The following SYCP1 variants were observed in gnomAD, a reference collection of about 807,000 sequenced individuals.
SYCP1 encodes synaptonemal complex protein 1.
A neutral mutation model predicts 153.1 loss-of-function variants in SYCP1; 64 were observed. The ratio of observed to expected loss-of-function variants is 0.42; its 90% CI spans 0.34 to 0.51. The LOEUF is 0.51. Ranked by LOEUF, SYCP1 falls within the 20% of genes least tolerant of loss-of-function variation. SYCP1 has a pLI of 0.06. For missense variants in SYCP1, 997 were observed against 1,049.0 expected, an observed-to-expected ratio of 0.95 and a Z score of 0.68; for synonymous variants, 384 against 341.8, an observed-to-expected ratio of 1.12 and a Z score of -1.36.
intron 28 of SYCP1, among the ~76,000 whole-genome samples, chr1:114,978,843 A>C (rs910149381): frequency 7.9e-5 from 12 of 151,688 alleles, no homozygotes; most frequent in African/African-American, 2.7e-4. Flanking sequence ...ATCATAATAA[A>C]ATTATGCAGA....
chr1:114,954,868 C>T (rs1671338288), intron 27 of SYCP1, among the ~76,000 whole-genome samples: 2 of 152,126 alleles, frequency 1.3e-5, no homozygotes, highest in African/African-American at 4.8e-5. Flanking sequence ...CATGAGCCAC[C>T]GCGCCTGGCC....
Position 114,909,631 on chromosome 1 carries a change from C to T in SYCP1, c.1321-766C>T, listed in dbSNP as rs190182895. ...TGAGATTATAGTGACATACTGAAAGCTAAAAGACTGCTTCTATTTTTTGAT... is the reference window on the plus strand; with the variant it reads ...TGAGATTATAGTGACATACTGAAAGTTAAAAGACTGCTTCTATTTTTTGAT... On this transcript the variant is annotated intron_variant, in intron 16 of 31. Transcript: ENST00000369522. Among the ~76,000 whole-genome samples the T allele has an allele frequency of 2.6e-5, 4 of 151,992 alleles. No individual in the cohort carries two copies. In the East Asian group the frequency reaches 7.7e-4, roughly 29 times the overall value.
Position 114,859,748 on chromosome 1 carries a change from A to C in SYCP1, c.462A>C (p.Gly154=). The change falls in exon 7 of 32, where the codon GGA becomes GGC. Residue 154 remains glycine (G), a synonymous_variant. Transcript: ENST00000369522. ...QRKAIQELQF[G]NEKVSLKLEE... ...TTTTCTGTTTTATAAATTAGTTTGG[A>C]AATGAAAAAGTAAGTTTGAAATTAG... 1 of 954,264 alleles carries C rather than the reference A, an allele frequency of 1.0e-6. No individual in the cohort carries two copies. Among genetic ancestry groups the C allele is most frequent in the Non-Finnish European group, 1.4e-6 (1 of 713,146 alleles). The allele number at this position is 954,264 out of a possible 1,614,324, so 59.1% of individuals were successfully genotyped here. A position where few individuals can be genotyped will look rare whatever the true frequency, so the allele number is the denominator to read the frequency against.
At chr1:114,874,766 A>G (rs1665396557) in intron 9 of SYCP1, among the ~76,000 whole-genome samples, 1 of 152,228 alleles carries the variant, frequency 6.6e-6, no homozygotes, top group Non-Finnish European at 1.5e-5. Flanking sequence ...TTTACATGTT[A>G]GTGACATCAC....
At chr1:114,926,917 T>C (rs956813214) in intron 23 of SYCP1, among the ~76,000 whole-genome samples, 1 of 152,110 alleles carries the variant, frequency 6.6e-6, no homozygotes, top group African/African-American at 2.4e-5. Context: ...AAAAGCTCTA[T>C]GTGTGATTAT....
At chr1:114,890,154 A>T (rs1036212809) in intron 15 of SYCP1, among the ~76,000 whole-genome samples, 1 of 152,080 alleles carries the variant, frequency 6.6e-6, no homozygotes, top group Admixed American at 6.5e-5. Context: ...GTAGGAATGT[A>T]TAGAAGTAAC....
chr1:114,948,557 A>G (rs1670899233), intron 27 of SYCP1, among the ~76,000 whole-genome samples: 1 of 152,092 alleles, frequency 6.6e-6, no homozygotes, highest in African/African-American at 2.4e-5. Context: ...GGAAAATCTC[A>G]CACATCTTTC....
intron 16 of SYCP1, among the ~76,000 whole-genome samples, chr1:114,897,567 T>C (rs1667154256): frequency 6.6e-6 from 1 of 152,204 alleles, no homozygotes; most frequent in African/African-American, 2.4e-5. Flanking sequence ...GTTTGAGAAA[T>C]TAACTCTTCC....
chr1:114,878,183 T>A lies in SYCP1; in HGVS notation c.891T>A (p.Asn297Lys), dbSNP rs934630546. The A allele has an allele frequency of 1.9e-6, 3 of 1,557,346 alleles. No homozygotes were observed. In the East Asian group the frequency reaches 6.8e-5, roughly 35 times the overall value. ...TAGAGGAATCCAGAGATAAAGTTAA[T>A]CAATTAGAGGAAAAGACAAGTAAGA... is the stretch of plus-strand genomic sequence containing the variant. Reference protein sequence around the residue: ...FLLEESRDKVNQLEEKTKLQS... With the variant: ...FLLEESRDKVKQLEEKTKLQS... The change falls in exon 12 of 32, where the codon AAT becomes AAA. Residue 297 changes from asparagine (N) to lysine (K), a missense_variant. Coordinates refer to ENST00000369522, the MANE Select transcript of SYCP1 (RefSeq NM_003176.4).
intron 30 of SYCP1, among the ~76,000 whole-genome samples, chr1:114,993,859 C>T (rs749461572): frequency 4.6e-5 from 7 of 151,472 alleles, no homozygotes; most frequent in Non-Finnish European, 8.9e-5. Flanking sequence ...AAACCTTCTA[C>T]CCATTAAACA....
Position 114,882,185 on chromosome 1 carries a change from A to AAAACAAACAAAC in SYCP1, c.911-3329_911-3318dup, listed in dbSNP as rs371923005. Among the ~76,000 whole-genome samples the AAAACAAACAAAC allele has an allele frequency of 2.2e-3, 329 of 151,708 alleles. 1 individual carries two copies. Among genetic ancestry groups the AAAACAAACAAAC allele is most frequent in the South Asian group, 0.018 (85 of 4,800 alleles). ...GGGTGGCAGAGTGAGACCCTGTCTC[A>AAAACAAACAAAC]AAACAAACAAACAAACAAACAAACA... is the stretch of plus-strand genomic sequence containing the variant. On this transcript the variant is annotated intron_variant, in intron 12 of 31. Coordinates refer to ENST00000369522, the MANE Select transcript of SYCP1 (RefSeq NM_003176.4).
chr1:114,887,735 C>T, intron 15 of SYCP1, 42 bp downstream of exon 15: 1 of 1,220,800 alleles, frequency 8.2e-7, no homozygotes, highest in Non-Finnish European at 1.1e-6. Context: ...ATAATATTAA[C>T]TTATTATAGA....
chr1:114,902,128 G>A lies in SYCP1; in HGVS notation c.1320+6619G>A, dbSNP rs1191554116. ...GGAGGGCGGCGGGGAACTGCTGCTC[G>A]CCCATCTGTACCAAAAAAAGAAAGA... On this transcript the variant is annotated intron_variant, in intron 16 of 31. Transcript: ENST00000369522. Among the ~76,000 whole-genome samples the A allele has an allele frequency of 3.9e-5, 6 of 152,014 alleles. No individual in the cohort carries two copies. In the East Asian group the frequency reaches 9.7e-4, roughly 25 times the overall value.
At chr1:114,974,583 A>G (rs56141179) in intron 27 of SYCP1, among the ~76,000 whole-genome samples, 5,392 of 151,922 alleles carry the variant, frequency 0.035, 124 homozygotes, top group Non-Finnish European at 0.053. Flanking sequence ...GTGGAATCAT[A>G]CAGTATTTGT....
At chr1:114,874,297 A>G (rs1665368918) in intron 8 of SYCP1, among the ~76,000 whole-genome samples, 1 of 152,180 alleles carries the variant, frequency 6.6e-6, no homozygotes, top group Admixed American at 6.5e-5. Context: ...GTTAGGATGG[A>G]GCAGTGACTT....
chr1:114,913,782 A>G (rs1204356169), intron 19 of SYCP1, among the ~76,000 whole-genome samples, 193 bp from the exon 20 acceptor site: 1 of 152,098 alleles, frequency 6.6e-6, no homozygotes, highest in African/African-American at 2.4e-5. Context: ...ACTGTTATAT[A>G]GAGATTGTTG....
chr1:114,909,534 ACG>A (rs1292617932), intron 16 of SYCP1, among the ~76,000 whole-genome samples: 2 of 125,980 alleles, frequency 1.6e-5, no homozygotes, highest in Non-Finnish European at 3.3e-5. Flanking sequence ...ACACACACAC[ACG>A]TTTATATGTA....
chr1:114,857,179 GAA>G (rs1664049814), intron 3 of SYCP1, 51 bp from the exon 4 acceptor site: 1 of 521,232 alleles, frequency 1.9e-6, no homozygotes, highest in Non-Finnish European at 3.0e-6. Flanking sequence ...AAAAAAAAAA[GAA>G]AGAGAAAAAG....
chr1:114,993,504 C>G (rs1338398707), intron 30 of SYCP1, among the ~76,000 whole-genome samples: 1 of 151,408 alleles, frequency 6.6e-6, no homozygotes, highest in Non-Finnish European at 1.5e-5. Context: ...GGGTACATTA[C>G]TTAATATTTG....
Sources: allele counts gnomAD v4.1 joint callset (sites outside exome capture counted in the v4.1 genomes callset), GRCh38; gene constraint gnomAD v4.1.1; transcripts MANE v1.5; gene names NCBI Gene and HGNC (gene_info 2026-07-23, HGNC 2026-07-21).